FLNB: variants seen among roughly 807,000 people sequenced by gnomAD.
FLNB encodes filamin B, also known as filamin-B.
A neutral mutation model predicts 250.6 loss-of-function variants in FLNB; 111 were observed. The observed-to-expected ratio is 0.44, with a 90% confidence interval of 0.38 to 0.52. The LOEUF (loss-of-function observed/expected upper bound fraction) is 0.52, where lower values mean the gene tolerates loss of function less well. FLNB is among the 20% of genes least tolerant of loss of function. The probability of loss-of-function intolerance (pLI) is 0.00; values close to 1 mark genes in which losing one functional copy is unlikely to be tolerated. For missense variants in FLNB, 2,869 were observed against 3,447.8 expected, an observed-to-expected ratio of 0.83 and a Z score of 4.20; for synonymous variants, 1,302 against 1,372.1, an observed-to-expected ratio of 0.95 and a Z score of 1.13.
intron 16 of FLNB, 41 bp downstream of exon 16, chr3:58,110,211 T>A: frequency 2.5e-6 from 4 of 1,602,684 alleles, no homozygotes; most frequent in Non-Finnish European, 3.4e-6. Flanking sequence ...GGAGTAGGCC[T>A]GGATTCTCTT....
chr3:58,141,997 A>C, intron 30 of FLNB, 68 bp downstream of exon 30: 1 of 1,385,260 alleles, frequency 7.2e-7, no homozygotes, highest in Non-Finnish European at 1.0e-6. Context: ...AAAATCTGCC[A>C]TCTGCTTCTG....
At chr3:58,049,309 A>G (rs1317008338) in intron 1 of FLNB, among the ~76,000 whole-genome samples, 1 of 152,158 alleles carries the variant, frequency 6.6e-6, no homozygotes, top group Non-Finnish European at 1.5e-5. Context: ...CAGCTGCGAG[A>G]AGGGCCTTGG....
intron 1 of FLNB, among the ~76,000 whole-genome samples, chr3:58,067,682 C>T (rs35503210): frequency 0.24 from 35,707 of 150,626 alleles, 4,857 homozygotes; most frequent in Middle Eastern, 0.38. Flanking sequence ...CTGCAAGCTC[C>T]GCCTCCCAGG....
At chr3:58,060,203 T>G (rs988804370) in intron 1 of FLNB, among the ~76,000 whole-genome samples, 24 of 152,270 alleles carry the variant, frequency 1.6e-4, no homozygotes, top group Middle Eastern at 3.4e-3. Flanking sequence ...TTTTTTGTTT[T>G]TGTTTTTTGG....
chr3:58,049,503 G>C (rs1397834691), intron 1 of FLNB, among the ~76,000 whole-genome samples: 4 of 152,164 alleles, frequency 2.6e-5, no homozygotes, highest in Non-Finnish European at 5.9e-5. Flanking sequence ...CAGCTGGAAG[G>C]GCCAGCTTTC....
At chr3:58,060,348 C>CTA in intron 1 of FLNB, among the ~76,000 whole-genome samples, 1 of 124,654 alleles carries the variant, frequency 8.0e-6, no homozygotes, top group Non-Finnish European at 1.7e-5. Flanking sequence ...GAGACCCTGT[C>CTA]TCTCTTTTTT....
At chr3:58,125,501 A>G in intron 22 of FLNB, 80 bp from the exon 23 acceptor site, 1 of 1,505,082 alleles carries the variant, frequency 6.6e-7, no homozygotes, top group South Asian at 1.1e-5. Flanking sequence ...ATGCTAGATG[A>G]AACTCTGAAG....
At chr3:58,107,237 G>T (rs565561915) in intron 12 of FLNB, among the ~76,000 whole-genome samples, 1 of 152,204 alleles carries the variant, frequency 6.6e-6, no homozygotes, top group South Asian at 2.1e-4. Flanking sequence ...CACCATGTTG[G>T]CCAGGCTGGT....
chr3:58,114,598 A>G (rs900029888), intron 18 of FLNB, among the ~76,000 whole-genome samples: 9 of 152,138 alleles, frequency 5.9e-5, no homozygotes, highest in Admixed American at 5.9e-4. Flanking sequence ...TAATTTTTTG[A>G]GAAACTACTA....
At chr3:58,152,826 G>T in intron 38 of FLNB, 1 of 1,026,168 alleles carries the variant, frequency 9.7e-7, no homozygotes. Flanking sequence ...GCCTCACCAC[G>T]GCAGTGCAGG....
chr3:58,094,884 T>A lies in FLNB; in HGVS notation c.836T>A (p.Val279Glu). Residue 279 changes from valine (V) to glutamate (E), a missense_variant, in exon 5 of 46, where the codon GTG becomes GAG. Physicochemically the swap from Val to Glu is moderately radical, Grantham distance 121. Coordinates refer to ENST00000295956, the MANE Select transcript of FLNB (RefSeq NM_001457.4). ...GTGAAGCAGCCAGCCAAGTTCACTGTGGACACCATCAGCGCCGGGCAAGGA... is the reference window on the plus strand; with the variant it reads ...GTGAAGCAGCCAGCCAAGTTCACTGAGGACACCATCAGCGCCGGGCAAGGA... ...NMVKQPAKFTVDTISAGQGDV... is the reference protein window; with the variant it reads ...NMVKQPAKFTEDTISAGQGDV... The A allele has an allele frequency of 6.2e-7, 1 of 1,614,184 alleles. No homozygotes were observed. The highest frequency in any genetic ancestry group is 8.5e-7 in the Non-Finnish European group (1 of 1,180,026).
At chr3:58,103,291 T>TGTGTGC (rs1553696911) in intron 9 of FLNB, among the ~76,000 whole-genome samples, 5 of 151,886 alleles carry the variant, frequency 3.3e-5, no homozygotes, top group African/African-American at 7.3e-5. Flanking sequence ...TGTGTGTGTG[T>TGTGTGC]GTGCACGCGC....
At chr3:58,158,048 C>T (rs1415027257) in intron 41 of FLNB, among the ~76,000 whole-genome samples, 1 of 142,408 alleles carries the variant, frequency 7.0e-6, no homozygotes, top group Non-Finnish European at 1.5e-5. Context: ...CAAAGAGAGG[C>T]ATGTATCGTT....
Position 58,094,826 on chromosome 3 carries a change from C to T in FLNB, c.788-10C>T. On this transcript the variant is annotated splice_polypyrimidine_tract_variant and intron_variant, in intron 4 of 45. Transcript: ENST00000295956. ...CTGGCTTCTAACATGTCTGTGTAAA[C>T]CTGTGGCAGGAATCGAGCCCACTGG... 6.2e-7 allele frequency: 1 copy of T among 1,610,874 alleles called. No homozygotes were observed. Among genetic ancestry groups the T allele is most frequent in the Non-Finnish European group, 8.5e-7 (1 of 1,177,038 alleles).
Position 58,123,703 on chromosome 3 carries a change from TAAAAAA to T in FLNB, c.3724+31_3724+36del, listed in dbSNP as rs56147140. 44 of 1,117,018 alleles carry T rather than the reference TAAAAAA, an allele frequency of 3.9e-5. No homozygotes were observed. The highest frequency in any genetic ancestry group is 4.0e-5 in the Non-Finnish European group (33 of 816,862). 69.2% of individuals were successfully genotyped at this position (1,117,018 alleles called of 1,614,324 possible). A position where few individuals can be genotyped will look rare whatever the true frequency, so the allele number is the denominator to read the frequency against. On this transcript the variant is annotated intron_variant, in intron 21 of 45. Transcript: ENST00000295956. Reference sequence around the variant, plus strand: ...ATAGAAGGGAAAGGTGGGTTTCATTTAAAAAAAAAAAAAAAAAAAAAAAGACAAGCT... The same window carrying T: ...ATAGAAGGGAAAGGTGGGTTTCATTTAAAAAAAAAAAAAAAAAGACAAGCT...
intron 1 of FLNB, among the ~76,000 whole-genome samples, chr3:58,014,683 C>T (rs1236160078): frequency 6.6e-6 from 1 of 152,116 alleles, no homozygotes; most frequent in Non-Finnish European, 1.5e-5. Flanking sequence ...GCCTTTAGGC[C>T]CTGCCTCCAG....
rs549535747 is a variant in FLNB, at chr3:58,011,876, G to T, written c.292+3020G>T. Among the ~76,000 whole-genome samples, 3 of 152,158 alleles carry T rather than the reference G, an allele frequency of 2.0e-5. No individual in the cohort carries two copies. In the East Asian group the frequency reaches 5.8e-4, roughly 29 times the overall value. ...GGGCATGTGTTGCTTAGAAAATGGC[G>T]CCTGTTAATTAAATAAGGTGCTGTC... On this transcript the variant is annotated intron_variant, in intron 1 of 45. Transcript: ENST00000295956.
At chr3:58,159,895 ATTCT>A (rs2097358798) in intron 42 of FLNB, among the ~76,000 whole-genome samples, 2 of 152,200 alleles carry the variant, frequency 1.3e-5, no homozygotes, top group Non-Finnish European at 2.9e-5. Context: ...GAGAATGCTC[ATTCT>A]TTCTTTCTTT....
At position 58,036,421 on chromosome 3, in the gene FLNB, G is replaced by A. The variant is rs553297784; in HGVS notation, c.292+27565G>A. On this transcript the variant is annotated intron_variant, in intron 1 of 45. Transcript: ENST00000295956. ...CTCAGGAAGTGGGGAGTGCTGATTG[G>A]TCAAGTTGGAGATGGAGTCACAGGG... is the stretch of plus-strand genomic sequence containing the variant. 2.1e-4 allele frequency among the ~76,000 whole-genome samples: 32 copies of A among 152,276 alleles called. No homozygotes were observed. The South Asian group carries it at 6.2e-3, about 30-fold the overall frequency.
Sources: allele counts gnomAD v4.1 joint callset (sites outside exome capture counted in the v4.1 genomes callset), GRCh38; gene constraint gnomAD v4.1.1; transcripts MANE v1.5; gene names NCBI Gene and HGNC (gene_info 2026-07-23, HGNC 2026-07-21).